DLGAP2: variants seen among roughly 807,000 people sequenced by gnomAD.
DLGAP2 encodes DLG associated protein 2.
A neutral mutation model predicts 100.3 loss-of-function variants in DLGAP2; 26 were observed. That is an observed-to-expected ratio of 0.26 (90% confidence interval 0.19 to 0.36). The LOEUF (loss-of-function observed/expected upper bound fraction) is 0.36. Ranked by LOEUF, DLGAP2 falls within the 10% of genes least tolerant of loss-of-function variation. DLGAP2 has a pLI of 1.00. For missense variants in DLGAP2, 1,858 were observed against 1,453.2 expected (o/e 1.28, Z -4.53); for synonymous variants, 886 against 630.1 (o/e 1.41, Z -6.08).
chr8:1,353,980 A>G (rs960924430), intron 3 of DLGAP2, among the ~76,000 whole-genome samples: 1 of 152,188 alleles, frequency 6.6e-6, no homozygotes, highest in African/African-American at 2.4e-5. Flanking sequence ...ACGTTTTTTT[A>G]AAAACCTAGT....
intron 2 of DLGAP2, among the ~76,000 whole-genome samples, chr8:959,297 G>A (rs1799667720): frequency 6.6e-6 from 1 of 152,212 alleles, no homozygotes; most frequent in South Asian, 2.1e-4. Context: ...GAGGTCTCAA[G>A]TGCATTTGTG....
At position 1,704,330 on chromosome 8, in the gene DLGAP2, C is replaced by G. The variant is rs1326161805; in HGVS notation, c.*2924C>G. 1 of 152,210 alleles carries G rather than the reference C, an allele frequency of 6.6e-6. No homozygotes were observed. Among genetic ancestry groups the G allele is most frequent in the South Asian group, 2.1e-4 (1 of 4,832 alleles). The allele number at this position is 152,210 out of a possible 1,614,324, so 9.4% of individuals were successfully genotyped here. On this transcript the variant is annotated 3_prime_UTR_variant, in exon 15 of 15. Coordinates refer to ENST00000637795, the MANE Select transcript of DLGAP2 (RefSeq NM_001346810.2). Reference sequence around the variant, plus strand: ...CCCATACCTACATTCCCTAATGATACAGCCAATGACAGGTGAAACCCAGAC... The same window carrying G: ...CCCATACCTACATTCCCTAATGATAGAGCCAATGACAGGTGAAACCCAGAC...
chr8:1,491,612 G>A (rs542511607), intron 3 of DLGAP2, among the ~76,000 whole-genome samples: 1 of 152,306 alleles, frequency 6.6e-6, no homozygotes, highest in Non-Finnish European at 1.5e-5. Flanking sequence ...GTAGTGCAGG[G>A]GACCTAACGC....
At chr8:828,800 C>T (rs1233456750) in intron 1 of DLGAP2, among the ~76,000 whole-genome samples, 3 of 152,194 alleles carry the variant, frequency 2.0e-5, no homozygotes, top group Non-Finnish European at 2.9e-5. Context: ...TAATGAATGT[C>T]CATAAAATCT....
intron 3 of DLGAP2, among the ~76,000 whole-genome samples, chr8:1,387,773 C>G (rs911550251): frequency 6.6e-6 from 1 of 152,098 alleles, no homozygotes; most frequent in Admixed American, 6.6e-5. Context: ...TCTCAGGAAC[C>G]AGGTGGAGGG....
chr8:1,636,229 T>C lies in DLGAP2; in HGVS notation c.1810+3183T>C, dbSNP rs892234801. On this transcript the variant is annotated intron_variant, in intron 8 of 14. Transcript: ENST00000637795. ...TTATTGATATTGTGAAGGAAAATGG[T>C]GTAAAATTAGATTATAATGATTTTT... 5.9e-5 allele frequency among the ~76,000 whole-genome samples: 9 copies of C among 152,348 alleles called. No individual in the cohort carries two copies. The East Asian group carries it at 7.7e-4, about 13-fold the overall frequency.
rs547587512 is a variant in DLGAP2, at chr8:1,506,463, A to G, written c.172+5032A>G. Among the ~76,000 whole-genome samples the G allele has an allele frequency of 1.4e-4, 21 of 152,268 alleles. No individual in the cohort carries two copies. In the East Asian group the frequency reaches 2.5e-3, roughly 18 times the overall value. On this transcript the variant is annotated intron_variant, in intron 4 of 14. Coordinates refer to ENST00000637795, the MANE Select transcript of DLGAP2 (RefSeq NM_001346810.2). ...TCCTTCTGGTCGGTTTGTGGTCTCAATGGCCTCAGGAGTGAAGCTGCAGAT... is the reference window on the plus strand; with the variant it reads ...TCCTTCTGGTCGGTTTGTGGTCTCAGTGGCCTCAGGAGTGAAGCTGCAGAT...
chr8:1,462,784 T>G (rs1449725981), intron 3 of DLGAP2, among the ~76,000 whole-genome samples: 1 of 152,206 alleles, frequency 6.6e-6, no homozygotes, highest in Admixed American at 6.5e-5. Context: ...TGAACAAGCC[T>G]CATCTCCGTG....
At chr8:785,410 AGGTCTCTCTGAGACCG>A (rs1390776302) in intron 1 of DLGAP2, among the ~76,000 whole-genome samples, 75 of 148,818 alleles carry the variant, frequency 5.0e-4, no homozygotes, top group Admixed American at 2.5e-3. Flanking sequence ...TCCTCCCCTC[AGGTCTCTCTGAGACCG>A]GCTTCTCTCC....
chr8:1,051,574 A>G (rs184572116), intron 2 of DLGAP2, among the ~76,000 whole-genome samples: 1 of 152,382 alleles, frequency 6.6e-6, no homozygotes, highest in Admixed American at 6.5e-5. Flanking sequence ...ACATGCACAA[A>G]TAGAAATAGA....
At chr8:1,065,940 G>T (rs991273092) in intron 2 of DLGAP2, among the ~76,000 whole-genome samples, 1 of 152,182 alleles carries the variant, frequency 6.6e-6, no homozygotes, top group Non-Finnish European at 1.5e-5. Context: ...TGAGTGTCAG[G>T]AGCCCTCAGA....
chr8:796,980 A>G (rs957541548), intron 1 of DLGAP2, among the ~76,000 whole-genome samples: 1 of 152,220 alleles, frequency 6.6e-6, no homozygotes, highest in Non-Finnish European at 1.5e-5. Flanking sequence ...CCAACTTGCA[A>G]ACTTTTAACC....
Position 1,142,396 on chromosome 8 carries a change from T to C in DLGAP2, c.74-116455T>C, listed in dbSNP as rs537991950. ...ATAGGCTTAGCATATCCCTTGAACG[T>C]AGAGATTTGCAAGAAAGAAGCTAGA... On this transcript the variant is annotated intron_variant, in intron 2 of 14. Coordinates refer to ENST00000637795, the MANE Select transcript of DLGAP2 (RefSeq NM_001346810.2). Among the ~76,000 whole-genome samples, 16 of 152,290 alleles carry C rather than the reference T, an allele frequency of 1.1e-4. No homozygotes were observed. In the East Asian group the frequency reaches 2.1e-3, roughly 20 times the overall value.
intron 1 of DLGAP2, among the ~76,000 whole-genome samples, chr8:772,693 G>A (rs1014701293): frequency 6.6e-6 from 1 of 152,186 alleles, no homozygotes; most frequent in African/African-American, 2.4e-5. Context: ...TGAGACACTT[G>A]CAGCCCATCT....
chr8:1,594,632 C>T (rs1796393158), intron 6 of DLGAP2, among the ~76,000 whole-genome samples: 1 of 152,048 alleles, frequency 6.6e-6, no homozygotes, highest in South Asian at 2.1e-4. Context: ...CCATGTTGGC[C>T]AGGCTGATCC....
chr8:1,482,404 G>A (rs1393633474), intron 3 of DLGAP2, among the ~76,000 whole-genome samples: 2 of 152,234 alleles, frequency 1.3e-5, no homozygotes, highest in Non-Finnish European at 2.9e-5. Context: ...TAGAAACATA[G>A]CCTAGCATTT....
chr8:1,668,729 A>G lies in DLGAP2; in HGVS notation c.2160+51A>G, dbSNP rs1585047705. On this transcript the variant is annotated intron_variant, in intron 9 of 14. Transcript: ENST00000637795. ...GGCCTCGCTCCACTCAGTCCTGCCA[A>G]TAGCCTAGAATAAGCCAAAACCCAA... The G allele has an allele frequency of 1.2e-5, 18 of 1,441,944 alleles. No homozygotes were observed. In the South Asian group the frequency reaches 2.0e-4, roughly 16 times the overall value. 89.3% of individuals were successfully genotyped at this position (1,441,944 alleles called of 1,614,324 possible). A position where few individuals can be genotyped will look rare whatever the true frequency, so the allele number is the denominator to read the frequency against.
At chr8:897,548 G>T (rs1798166688) in intron 1 of DLGAP2, among the ~76,000 whole-genome samples, 1 of 152,148 alleles carries the variant, frequency 6.6e-6, no homozygotes, top group Non-Finnish European at 1.5e-5. Context: ...AATAAACATG[G>T]GCGCCCGGTA....
At chr8:1,270,602 A>C (rs755031612) in intron 3 of DLGAP2, among the ~76,000 whole-genome samples, 2 of 152,066 alleles carry the variant, frequency 1.3e-5, no homozygotes, top group Non-Finnish European at 2.9e-5. Flanking sequence ...CTTCTTAAGA[A>C]CGTAACTTCT....
Sources: allele counts gnomAD v4.1 joint callset (sites outside exome capture counted in the v4.1 genomes callset), GRCh38; gene constraint gnomAD v4.1.1; transcripts MANE v1.5; gene names NCBI Gene and HGNC (gene_info 2026-07-23, HGNC 2026-07-21).